LRP1B: variants seen among roughly 807,000 people sequenced by gnomAD.
LRP1B encodes low-density lipoprotein receptor-related protein 1B.
Under a neutral mutation model 556.6 loss-of-function variants are expected in LRP1B, and 217 were observed. The ratio of observed to expected loss-of-function variants is 0.39; its 90% CI spans 0.35 to 0.44. LRP1B has a LOEUF of 0.44. Ranked by LOEUF, LRP1B falls within the 20% of genes least tolerant of loss-of-function variation. The pLI is 1.00. For synonymous variants in LRP1B, 2,047 were observed against 1,865.8 expected (o/e 1.10, Z -2.50); for missense variants, 5,053 against 5,620.8 (o/e 0.90, Z 3.23).
At chr2:141,616,236 T>C (rs1688294448) in intron 2 of LRP1B, among the ~76,000 whole-genome samples, 1 of 150,720 alleles carries the variant, frequency 6.6e-6, no homozygotes, top group Non-Finnish European at 1.5e-5. Flanking sequence ...GAGCTGAGAT[T>C]GCACCACTGC....
chr2:141,146,105 A>T (rs548623963), intron 7 of LRP1B, among the ~76,000 whole-genome samples: 2 of 151,366 alleles, frequency 1.3e-5, no homozygotes, highest in African/African-American at 4.8e-5. Flanking sequence ...TTGTATTGTT[A>T]GTAGAGACAG....
intron 2 of LRP1B, among the ~76,000 whole-genome samples, chr2:141,530,585 G>C (rs1242195397): frequency 6.6e-6 from 1 of 151,822 alleles, no homozygotes; most frequent in Non-Finnish European, 1.5e-5. Flanking sequence ...TAAACAAGCA[G>C]AACAGCCAAT....
intron 3 of LRP1B, among the ~76,000 whole-genome samples, chr2:141,431,250 A>T (rs1416664558): frequency 1.3e-5 from 2 of 152,166 alleles, no homozygotes; most frequent in Non-Finnish European, 2.9e-5. Flanking sequence ...AGAGAGATGT[A>T]GCAGAAGAGG....
chr2:140,632,137 A>G (rs1314132157), intron 41 of LRP1B, among the ~76,000 whole-genome samples: 1 of 152,228 alleles, frequency 6.6e-6, no homozygotes, highest in Non-Finnish European at 1.5e-5. Context: ...GCCGTGCAAA[A>G]GAAATTTTGA....
chr2:141,910,461 T>A (rs1367181621), intron 1 of LRP1B, among the ~76,000 whole-genome samples: 2 of 151,484 alleles, frequency 1.3e-5, no homozygotes, highest in African/African-American at 2.4e-5. Flanking sequence ...AAATATTAGG[T>A]ATATTTTGTA....
intron 41 of LRP1B, among the ~76,000 whole-genome samples, chr2:140,633,846 A>C (rs1322207512): frequency 6.6e-6 from 1 of 152,208 alleles, no homozygotes; most frequent in Non-Finnish European, 1.5e-5. Flanking sequence ...TCCAAGGAGT[A>C]TCACTGGTGA....
chr2:140,917,222 G>A (rs1456589221), intron 21 of LRP1B, among the ~76,000 whole-genome samples: 1 of 152,148 alleles, frequency 6.6e-6, no homozygotes, highest in Non-Finnish European at 1.5e-5. Context: ...TAGAGCAGCA[G>A]AAATTTTCAT....
chr2:141,265,412 C>T (rs745385402), intron 3 of LRP1B, among the ~76,000 whole-genome samples: 4 of 152,182 alleles, frequency 2.6e-5, no homozygotes, highest in Non-Finnish European at 5.9e-5. Context: ...GAGCCCAAGG[C>T]ACCCCAGTGG....
Position 142,115,522 on chromosome 2 carries a change from A to ATTATATATATTACATATG in LRP1B, c.82+15125_82+15126insCATATGTAATATATATAA, listed in dbSNP as rs1295481159. 4.9e-5 allele frequency among the ~76,000 whole-genome samples: 3 copies of ATTATATATATTACATATG among 60,910 alleles called. 1 individual carries two copies. The highest frequency in any genetic ancestry group is 8.2e-4 in the South Asian group (2 of 2,442). 40.0% of individuals were successfully genotyped at this position (60,910 alleles called of 152,430 possible). ...ATAATATATATTATATATTACATAT[A>ATTATATATATTACATATG]TAATATATATATTACATATGTAATA... is the stretch of plus-strand genomic sequence containing the variant. On this transcript the variant is annotated intron_variant, in intron 1 of 90. Transcript: ENST00000389484.
chr2:141,922,967 T>C (rs1324542383), intron 1 of LRP1B, among the ~76,000 whole-genome samples: 2 of 151,894 alleles, frequency 1.3e-5, no homozygotes, highest in Non-Finnish European at 2.9e-5. Context: ...GGCGTAGTGG[T>C]GCATGCCTAT....
At chr2:142,124,394 A>G (rs2105017374) in intron 1 of LRP1B, among the ~76,000 whole-genome samples, 1 of 152,104 alleles carries the variant, frequency 6.6e-6, no homozygotes, top group East Asian at 1.9e-4. Context: ...AACTAAGTTA[A>G]TGTGACTGCA....
At chr2:142,078,141 T>A (rs906778660) in intron 1 of LRP1B, among the ~76,000 whole-genome samples, 1 of 152,132 alleles carries the variant, frequency 6.6e-6, no homozygotes, top group Non-Finnish European at 1.5e-5. Context: ...TATGCATACA[T>A]CAGATTCATT....
intron 71 of LRP1B, 147 bp from the exon 72 acceptor site, chr2:140,364,930 A>C (rs1391300942): frequency 1.7e-6 from 1 of 584,468 alleles, no homozygotes; most frequent in African/African-American, 1.9e-5. Flanking sequence ...AATACCAGGA[A>C]CAAGTAATAT....
intron 1 of LRP1B, among the ~76,000 whole-genome samples, chr2:141,903,667 C>T (rs1699682668): frequency 6.6e-6 from 1 of 151,892 alleles, no homozygotes; most frequent in East Asian, 1.9e-4. Context: ...TTTCTACATG[C>T]TAGGCAGTAC....
chr2:141,809,061 A>G (rs1301599122), intron 2 of LRP1B, among the ~76,000 whole-genome samples: 1 of 152,116 alleles, frequency 6.6e-6, no homozygotes, highest in Non-Finnish European at 1.5e-5. Context: ...AATCTAGTAA[A>G]GAGTTTTGAA....
intron 77 of LRP1B, among the ~76,000 whole-genome samples, chr2:140,342,093 T>C (rs898780422): frequency 2.0e-5 from 3 of 151,546 alleles, no homozygotes; most frequent in African/African-American, 7.3e-5. Flanking sequence ...TGAGGCTATG[T>C]AAGTATTATA....
At chr2:141,489,416 A>T (rs1574005831) in intron 2 of LRP1B, among the ~76,000 whole-genome samples, 1 of 151,980 alleles carries the variant, frequency 6.6e-6, no homozygotes, top group African/African-American at 2.4e-5. Context: ...AGAGTATGAA[A>T]AAATTGCATT....
At chr2:141,433,044 C>T (rs1680623136) in intron 3 of LRP1B, among the ~76,000 whole-genome samples, 1 of 152,036 alleles carries the variant, frequency 6.6e-6, no homozygotes, top group Non-Finnish European at 1.5e-5. Context: ...ACTATTCTCT[C>T]TGAGCACTGC....
chr2:141,677,820 A>T (rs1690946675), intron 2 of LRP1B, among the ~76,000 whole-genome samples: 1 of 152,164 alleles, frequency 6.6e-6, no homozygotes, highest in East Asian at 1.9e-4. Context: ...GCATTAGGAA[A>T]CATAAGCAAA....
Sources: allele counts gnomAD v4.1 joint callset (sites outside exome capture counted in the v4.1 genomes callset), GRCh38; gene constraint gnomAD v4.1.1; transcripts MANE v1.5; gene names NCBI Gene and HGNC (gene_info 2026-07-23, HGNC 2026-07-21).